The following GREM2 variants were observed in gnomAD, a reference collection of about 807,000 sequenced individuals.
GREM2 encodes the protein gremlin 2, DAN family BMP antagonist, also known as gremlin-2.
GREM2 carries 11 observed loss-of-function variants against 14.2 expected under a neutral mutation model. That is an observed-to-expected ratio of 0.78 (90% CI 0.49 to 1.28). The LOEUF (loss-of-function observed/expected upper bound fraction) is 1.28. GREM2 is among the 50% of genes most tolerant of loss of function. The probability of loss-of-function intolerance (pLI) is 0.00; values close to 1 mark genes in which losing one functional copy is unlikely to be tolerated. For synonymous variants in GREM2, 98 were observed against 97.6 expected, an observed-to-expected ratio of 1.00 and a Z score of -0.02; for missense variants, 210 against 218.5, an observed-to-expected ratio of 0.96 and a Z score of 0.24.
chr1:240,594,083 A>T (rs531871361), intron 1 of GREM2, among the ~76,000 whole-genome samples: 5 of 152,070 alleles, frequency 3.3e-5, no homozygotes, highest in Admixed American at 2.0e-4. Context: ...CCTTTCAAGT[A>T]GCTGGGACCA....
intron 1 of GREM2, among the ~76,000 whole-genome samples, chr1:240,556,911 TGTA>T (rs747227762): frequency 1.4e-4 from 22 of 152,198 alleles, no homozygotes; most frequent in Non-Finnish European, 2.5e-4. Context: ...TGGCTCAGGC[TGTA>T]ATCCTAGCAC....
At chr1:240,548,368 C>G (rs1678779605) in intron 1 of GREM2, among the ~76,000 whole-genome samples, 1 of 152,072 alleles carries the variant, frequency 6.6e-6, no homozygotes, top group South Asian at 2.1e-4. Context: ...AAATTTTCTT[C>G]TTAAACAACT....
chr1:240,606,467 A>G (rs186102668), intron 1 of GREM2, among the ~76,000 whole-genome samples: 1 of 152,306 alleles, frequency 6.6e-6, no homozygotes, highest in Admixed American at 6.5e-5. Context: ...CCTGGTTATA[A>G]TACCCAACAA....
intron 1 of GREM2, among the ~76,000 whole-genome samples, chr1:240,576,627 C>G (rs1389219462): frequency 6.6e-6 from 1 of 152,120 alleles, no homozygotes; most frequent in African/African-American, 2.4e-5. Context: ...GGGGAGGGGG[C>G]AGTCAGATAA....
At chr1:240,513,808 T>C (rs980474189) in intron 1 of GREM2, among the ~76,000 whole-genome samples, 16 of 152,148 alleles carry the variant, frequency 1.1e-4, no homozygotes, top group African/African-American at 3.4e-4. Flanking sequence ...ACTTAACTCA[T>C]ACTGCTTTAT....
chr1:240,558,623 G>T (rs1019795911), intron 1 of GREM2, among the ~76,000 whole-genome samples: 13 of 152,054 alleles, frequency 8.5e-5, no homozygotes, highest in Non-Finnish European at 1.2e-4. Flanking sequence ...AGGAGCACCT[G>T]AAATGTGGGA....
intron 1 of GREM2, among the ~76,000 whole-genome samples, chr1:240,544,150 C>CAT (rs1678661030): frequency 7.7e-6 from 1 of 129,626 alleles, no homozygotes; most frequent in Non-Finnish European, 1.5e-5. Context: ...AAGCACTAGG[C>CAT]CTTTTTTTTT....
chr1:240,593,293 G>T (rs1347814084), intron 1 of GREM2, among the ~76,000 whole-genome samples: 2 of 152,150 alleles, frequency 1.3e-5, no homozygotes, highest in Non-Finnish European at 2.9e-5. Flanking sequence ...GCAGTCCATT[G>T]TCACTTGGCT....
At chr1:240,534,258 C>T (rs929517861) in intron 1 of GREM2, among the ~76,000 whole-genome samples, 2 of 152,032 alleles carry the variant, frequency 1.3e-5, no homozygotes, top group African/African-American at 4.8e-5. Context: ...TCAGTTTTCA[C>T]TGAAACATAA....
Position 240,492,882 on chromosome 1 carries a change from G to A in GREM2, c.*87C>T. ...AGGGGGAACACCAGGCAGCGTGACAGTGGGCTCGGAGGGCAGGGACAGAGG... is the reference window on the plus strand; with the variant it reads ...AGGGGGAACACCAGGCAGCGTGACAATGGGCTCGGAGGGCAGGGACAGAGG... On this transcript the variant is annotated 3_prime_UTR_variant, in exon 2 of 2. Transcript: ENST00000318160. 8.0e-7 allele frequency: 1 copy of A among 1,255,292 alleles called. No individual in the cohort carries two copies. The allele number at this position is 1,255,292 out of a possible 1,614,324, so 77.8% of individuals were successfully genotyped here. A position where few individuals can be genotyped will look rare whatever the true frequency, so the allele number is the denominator to read the frequency against.
rs746360942 is a variant in GREM2, at chr1:240,492,978, G to C, written c.498C>G (p.Asp166Glu). The stretch of plus-strand genomic sequence containing the variant: ...GCGTCCGGCCCGGCGCTCACTGCTT[G>C]TCCGAGTCGCTCAGGTTCACGGACA... ...RCMSVNLSDS[D>E]KQ is the part of the protein sequence containing the mutation. The change falls in exon 2 of 2, where the codon GAC becomes GAG. Residue 166 changes from aspartate to glutamate, a missense_variant. Asp to Glu is a conservative substitution (Grantham distance 45). Coordinates refer to ENST00000318160, the MANE Select transcript of GREM2 (RefSeq NM_022469.4). The C allele has an allele frequency of 5.2e-6, 8 of 1,542,042 alleles. No homozygotes were observed. The African/African-American group carries it at 1.1e-4, about 21-fold the overall frequency.
intron 1 of GREM2, among the ~76,000 whole-genome samples, chr1:240,512,884 T>C (rs1005752600): frequency 1.3e-5 from 2 of 152,164 alleles, no homozygotes; most frequent in African/African-American, 4.8e-5. Flanking sequence ...CAACACTACT[T>C]TGGCACTTTC....
intron 1 of GREM2, among the ~76,000 whole-genome samples, chr1:240,580,589 C>T (rs934068291): frequency 1.3e-5 from 2 of 152,250 alleles, no homozygotes; most frequent in African/African-American, 4.8e-5. Flanking sequence ...TCCTTCCTTC[C>T]TTCCTGACAG....
intron 1 of GREM2, among the ~76,000 whole-genome samples, chr1:240,539,036 G>A (rs1403567477): frequency 6.6e-6 from 1 of 152,122 alleles, no homozygotes; most frequent in Non-Finnish European, 1.5e-5. Flanking sequence ...ATCAAAAAGG[G>A]CTGAGACACC....
intron 1 of GREM2, among the ~76,000 whole-genome samples, chr1:240,585,729 CAAAAAAAAAAAAA>C (rs370321961): frequency 1.6e-4 from 11 of 67,832 alleles, no homozygotes; most frequent in South Asian, 4.7e-4. Context: ...GACTCCATCT[CAAAAAAAAAAAAA>C]AAAAAAAAAA....
chr1:240,539,900 G>C (rs928203283), intron 1 of GREM2, among the ~76,000 whole-genome samples: 6 of 152,108 alleles, frequency 3.9e-5, no homozygotes, highest in Non-Finnish European at 8.8e-5. Flanking sequence ...TCATTCTGTT[G>C]TTGATGCCTC....
chr1:240,568,794 A>C (rs1335193547), intron 1 of GREM2, among the ~76,000 whole-genome samples: 1 of 152,232 alleles, frequency 6.6e-6, no homozygotes, highest in Non-Finnish European at 1.5e-5. Flanking sequence ...AAAAGATACT[A>C]GAAGTAACAT....
chr1:240,578,381 C>T (rs1007165726), intron 1 of GREM2, among the ~76,000 whole-genome samples: 1 of 152,086 alleles, frequency 6.6e-6, no homozygotes, highest in African/African-American at 2.4e-5. Flanking sequence ...CCACTGTGGC[C>T]TCCCAAAATG....
At position 240,522,572 on chromosome 1, in the gene GREM2, C is replaced by T. The variant is rs868571432; in HGVS notation, c.-1-29096G>A. Among the ~76,000 whole-genome samples, 5 of 152,220 alleles carry T rather than the reference C, an allele frequency of 3.3e-5. No individual in the cohort carries two copies. The East Asian group carries it at 5.8e-4, about 18-fold the overall frequency. On this transcript the variant is annotated intron_variant, in intron 1 of 1. Coordinates refer to ENST00000318160, the MANE Select transcript of GREM2 (RefSeq NM_022469.4). ...TCATTGTTGTCAGGAGTAAAAGGCA[C>T]CTCTATGTTATCAGTTCCTTTTATA... is the stretch of plus-strand genomic sequence containing the variant.
Sources: allele counts gnomAD v4.1 joint callset (sites outside exome capture counted in the v4.1 genomes callset), GRCh38; gene constraint gnomAD v4.1.1; transcripts MANE v1.5; gene names NCBI Gene and HGNC (gene_info 2026-07-23, HGNC 2026-07-21).